Variants in SERF2 observed in about 807,000 individuals in gnomAD.
SERF2 encodes the protein small EDRK-rich factor 2.
Under a neutral mutation model 10.7 loss-of-function variants are expected in SERF2, and 4 were observed. The observed-to-expected ratio is 0.37, with a 90% CI of 0.18 to 0.86. SERF2 has a LOEUF of 0.86. Ranked by LOEUF, SERF2 falls within the 40% of genes least tolerant of loss-of-function variation. The pLI is 0.43. For missense variants in SERF2, 47 were observed against 79.1 expected, an observed-to-expected ratio of 0.59 and a Z score of 1.54; for synonymous variants, 26 against 26.0, an observed-to-expected ratio of 1.00 and a Z score of 0.01.
In SERF2 at chr15:43,795,708, T is replaced by G. The variant is rs753936874; in HGVS notation, c.*1935T>G. The G allele has an allele frequency of 1.1e-5, 18 of 1,614,006 alleles. No homozygotes were observed. The highest frequency in any genetic ancestry group is 1.5e-5 in the Non-Finnish European group (18 of 1,180,010). ...CTCACCTTTGTCTGCCTCCACTGTT[T>G]CAGGGCAGCAGAAACACAGTGAGGG... On this transcript the variant is annotated 3_prime_UTR_variant, in exon 3 of 3. Transcript: ENST00000249786.
At chr15:43,791,089 T>G (rs1209445291), upstream of SERF2, among the ~76,000 whole-genome samples, 1 of 150,428 alleles carries the variant, frequency 6.6e-6, no homozygotes, top group African/African-American at 2.4e-5. Context: ...CTCTTTTTTT[T>G]TTGAGATGCA....
In SERF2 at chr15:43,794,740, G is replaced by A. The variant is rs567698201; in HGVS notation, c.*967G>A. 2.3e-6 allele frequency: 1 copy of A among 439,242 alleles called. No individual in the cohort carries two copies. Among genetic ancestry groups the A allele is most frequent in the Non-Finnish European group, 4.1e-6 (1 of 242,408 alleles). 27.2% of individuals were successfully genotyped at this position (439,242 alleles called of 1,614,324 possible). A position where few individuals can be genotyped will look rare whatever the true frequency, so the allele number is the denominator to read the frequency against. On this transcript the variant is annotated 3_prime_UTR_variant, in exon 3 of 3. Transcript: ENST00000249786. The stretch of plus-strand genomic sequence containing the variant: ...GGTGCCACACTGTCTGCTGGGATCA[G>A]CGGTGGTTCTTTGAGCTGCTGATTT...
chr15:43,792,207 C>G (rs1385467412), upstream of SERF2: 1 of 663,528 alleles, frequency 1.5e-6, no homozygotes, highest in Non-Finnish European at 2.7e-6. Flanking sequence ...GGCTCAAGCA[C>G]GACCCGTGGA....
chr15:43,793,055 G>A lies in SERF2; in HGVS notation c.88G>A (p.Gly30Arg), dbSNP rs2087106959. Residue 30 changes from glycine to arginine, a missense_variant, in exon 2 of 3, where the codon GGG becomes AGG. Transcript: ENST00000249786. ...DSVKGKRRDD[G>R]LSAAARKQRD... ...GGTTAAGGGAAAGCGCCGAGATGAC[G>A]GGCTTTCTGCTGCCGCCCGCAAGCA... 3 of 1,612,758 alleles carry A rather than the reference G, an allele frequency of 1.9e-6. No homozygotes were observed. The highest frequency in any genetic ancestry group is 2.5e-6 in the Non-Finnish European group (3 of 1,178,968).
At position 43,794,801 on chromosome 15, in the gene SERF2, C is replaced by T; in HGVS notation, c.*1028C>T. ...CTCTTGAGCTGGGATGCAGATGTAA[C>T]AGTAGCTCCAGTGAGTCAGACACTC... On this transcript the variant is annotated 3_prime_UTR_variant, in exon 3 of 3. Transcript: ENST00000249786. The T allele has an allele frequency of 1.8e-6, 1 of 551,074 alleles. No homozygotes were observed. The highest frequency in any genetic ancestry group is 3.2e-6 in the Non-Finnish European group (1 of 309,730). 34.1% of individuals were successfully genotyped at this position (551,074 alleles called of 1,614,324 possible). A position where few individuals can be genotyped will look rare whatever the true frequency, so the allele number is the denominator to read the frequency against.
In SERF2 at chr15:43,795,174, A is replaced by G. The variant is rs745627444; in HGVS notation, c.*1401A>G. 66 of 1,613,990 alleles carry G rather than the reference A, an allele frequency of 4.1e-5. 1 individual carries two copies. Among genetic ancestry groups the G allele is most frequent in the Non-Finnish European group, 4.9e-5 (58 of 1,180,016 alleles). On this transcript the variant is annotated 3_prime_UTR_variant, in exon 3 of 3. Coordinates refer to ENST00000249786, the MANE Select transcript of SERF2 (RefSeq NM_001018108.4). The stretch of plus-strand genomic sequence containing the variant: ...CCTTGACCCAGAAGGTGGCCCAGCT[A>G]CCCTTGATGAAGGTCTTTTCCAGTT...
intron 1 of SERF2, among the ~76,000 whole-genome samples, chr15:43,779,629 C>T (rs1211338482): frequency 6.6e-6 from 1 of 151,908 alleles, no homozygotes; most frequent in Non-Finnish European, 1.5e-5. Flanking sequence ...ATAGCTGTAA[C>T]TACAGGAGCG....
At chr15:43,780,300 C>A (rs1021267211) in intron 1 of SERF2, among the ~76,000 whole-genome samples, 1 of 147,324 alleles carries the variant, frequency 6.8e-6, no homozygotes, top group East Asian at 2.1e-4. Flanking sequence ...CCACCACGCC[C>A]GGCTAATTTT....
Position 43,792,384 on chromosome 15 carries a change from G to A in SERF2, c.7+1G>A, listed in dbSNP as rs1218150204. The A allele has an allele frequency of 6.2e-7, 1 of 1,613,768 alleles. No homozygotes were observed. The highest frequency in any genetic ancestry group is 8.5e-7 in the Non-Finnish European group (1 of 1,179,686). ...GGAGCCGCTGCCGTCGCCATGACCC[G>A]TGAGCACCGAGCCCCCTTCTCCTTG... On this transcript the variant is annotated splice_donor_variant, in intron 1 of 2. Coordinates refer to ENST00000249786, the MANE Select transcript of SERF2 (RefSeq NM_001018108.4). LOFTEE classifies it high-confidence loss of function.
chr15:43,786,247 C>G (rs2087005988), intron 2 of SERF2, among the ~76,000 whole-genome samples: 1 of 151,432 alleles, frequency 6.6e-6, no homozygotes, highest in African/African-American at 2.4e-5. Flanking sequence ...AACCCTGTCT[C>G]TACTAAAAAT....
At chr15:43,792,245 A>C (rs1808774242), upstream of SERF2, 1 of 804,356 alleles carries the variant, frequency 1.2e-6, no homozygotes, top group Non-Finnish European at 2.2e-6. Context: ...GTCCAATGGG[A>C]GCCGGCTCCC....
In SERF2 at chr15:43,796,038, C is replaced by A; in HGVS notation, c.*2265C>A. 1.3e-6 allele frequency: 1 copy of A among 787,700 alleles called. No individual in the cohort carries two copies. The highest frequency in any genetic ancestry group is 2.1e-5 in the Admixed American group (1 of 47,604). 48.8% of individuals were successfully genotyped at this position (787,700 alleles called of 1,614,324 possible). ...AGTTGCCTAGCACATTGTGGGTACT[C>A]AATAAAAGGTAACAGCAGCTATAAT... On this transcript the variant is annotated 3_prime_UTR_variant, in exon 3 of 3. Coordinates refer to ENST00000249786, the MANE Select transcript of SERF2 (RefSeq NM_001018108.4).
At chr15:43,787,791 T>A (rs1951055521), upstream of SERF2, among the ~76,000 whole-genome samples, 1 of 151,540 alleles carries the variant, frequency 6.6e-6, no homozygotes, top group Non-Finnish European at 1.5e-5. Flanking sequence ...GTCAACCTCC[T>A]GAGCTCAAGC....
At chr15:43,791,358 C>T (rs946429926), upstream of SERF2, among the ~76,000 whole-genome samples, 2 of 152,214 alleles carry the variant, frequency 1.3e-5, no homozygotes, top group African/African-American at 4.8e-5. Flanking sequence ...TCTCCTGCCT[C>T]AGCCTCCCAA....
At chr15:43,789,023 C>A (rs1405519252), upstream of SERF2, among the ~76,000 whole-genome samples, 1 of 151,792 alleles carries the variant, frequency 6.6e-6, no homozygotes, top group Admixed American at 6.6e-5. Context: ...GTGGCGGGCG[C>A]CTGTAGTCCC....
Position 43,794,812 on chromosome 15 carries a change from G to A in SERF2, c.*1039G>A. ...GGATGCAGATGTAACAGTAGCTCCAGTGAGTCAGACACTCTGCCCAGCACA... is the reference window on the plus strand; with the variant it reads ...GGATGCAGATGTAACAGTAGCTCCAATGAGTCAGACACTCTGCCCAGCACA... On this transcript the variant is annotated 3_prime_UTR_variant, in exon 3 of 3. Transcript: ENST00000249786. 1 of 565,206 alleles carries A rather than the reference G, an allele frequency of 1.8e-6. No individual in the cohort carries two copies. Among genetic ancestry groups the A allele is most frequent in the Non-Finnish European group, 3.1e-6 (1 of 318,692 alleles). The allele number at this position is 565,206 out of a possible 1,614,324, so 35.0% of individuals were successfully genotyped here.
At chr15:43,785,013 A>G (rs1452351351) in intron 1 of SERF2, among the ~76,000 whole-genome samples, 1 of 150,898 alleles carries the variant, frequency 6.6e-6, no homozygotes, top group East Asian at 1.9e-4. Flanking sequence ...TCAGCCTCCC[A>G]AAGTGCTGGG....
chr15:43,782,929 C>G (rs569677748), intron 1 of SERF2, among the ~76,000 whole-genome samples: 9 of 151,468 alleles, frequency 5.9e-5, no homozygotes, highest in African/African-American at 2.2e-4. Flanking sequence ...ACTGCAACCT[C>G]TGCCTCCTGG....
chr15:43,792,412 C>G (rs777483928), intron 1 of SERF2, 29 bp downstream of exon 1: 2 of 1,613,942 alleles, frequency 1.2e-6, no homozygotes, highest in Admixed American at 3.3e-5. Flanking sequence ...TCTCCTTGCC[C>G]TTTTCTTTCC....
Sources: allele counts gnomAD v4.1 joint callset (sites outside exome capture counted in the v4.1 genomes callset), GRCh38; gene constraint gnomAD v4.1.1; transcripts MANE v1.5; gene names NCBI Gene and HGNC (gene_info 2026-07-23, HGNC 2026-07-21).